The following SUPT3H variants were observed in gnomAD, a reference collection of about 807,000 sequenced individuals.
SUPT3H encodes the protein SPT3 homolog, SAGA and STAGA complex component.
A neutral mutation model predicts 44.3 loss-of-function variants in SUPT3H; 44 were observed. The observed-to-expected ratio is 0.99, with a 90% confidence interval of 0.78 to 1.28. The LOEUF (loss-of-function observed/expected upper bound fraction) is 1.28, where lower values mean the gene tolerates loss of function less well. Among genes scored for constraint, SUPT3H ranks in the 50% most tolerant of loss-of-function variants. SUPT3H has a pLI of 0.00. For synonymous variants in SUPT3H, 124 were observed against 125.6 expected (o/e 0.99, Z 0.09); for missense variants, 380 against 387.1 (o/e 0.98, Z 0.15).
chr6:45,262,707 C>G (rs1774580613), intron 2 of SUPT3H, among the ~76,000 whole-genome samples: 1 of 152,048 alleles, frequency 6.6e-6, no homozygotes, highest in African/African-American at 2.4e-5. Flanking sequence ...GTAGAGCAAA[C>G]AATGTCTCCT....
chr6:44,994,351 T>C (rs1780993685), intron 6 of SUPT3H, among the ~76,000 whole-genome samples: 1 of 152,176 alleles, frequency 6.6e-6, no homozygotes, highest in Admixed American at 6.5e-5. Context: ...TACCACGTTG[T>C]GTCTTAGAGA....
rs1433069918 is a variant in SUPT3H, at chr6:45,252,281, A to G, written c.101+112920T>C. On this transcript the variant is annotated intron_variant, in intron 2 of 10. Transcript: ENST00000371459. The stretch of plus-strand genomic sequence containing the variant: ...TCATGAGAGAGAGGTAAACTGACTT[A>G]ATTCTCCAGCTGAAGTCACTCTAAT... Among the ~76,000 whole-genome samples the G allele has an allele frequency of 2.0e-5, 3 of 152,202 alleles. No homozygotes were observed. The South Asian group carries it at 6.2e-4, about 31-fold the overall frequency.
At chr6:44,851,232 T>G (rs1195716899) in intron 10 of SUPT3H, among the ~76,000 whole-genome samples, 3 of 152,192 alleles carry the variant, frequency 2.0e-5, no homozygotes, top group African/African-American at 7.2e-5. Flanking sequence ...AAGATGTACT[T>G]AAATACAAGA....
At chr6:45,142,228 T>A (rs1288509341) in intron 2 of SUPT3H, among the ~76,000 whole-genome samples, 1 of 152,046 alleles carries the variant, frequency 6.6e-6, no homozygotes, top group Non-Finnish European at 1.5e-5. Context: ...AAGCCAGCAC[T>A]ACAAGAAATG....
intron 2 of SUPT3H, among the ~76,000 whole-genome samples, chr6:45,237,347 A>G (rs1016181489): frequency 1.3e-5 from 2 of 152,220 alleles, no homozygotes; most frequent in Non-Finnish European, 2.9e-5. Flanking sequence ...CAAAGTAGTT[A>G]CATTTTGCAT....
At chr6:45,323,439 G>C (rs1010209802) in intron 2 of SUPT3H, among the ~76,000 whole-genome samples, 7 of 151,986 alleles carry the variant, frequency 4.6e-5, no homozygotes, top group African/African-American at 1.4e-4. Context: ...TTTTGCTTTA[G>C]AATAACCTCC....
chr6:45,372,917 A>C (rs895845006), intron 1 of SUPT3H, among the ~76,000 whole-genome samples: 8 of 152,124 alleles, frequency 5.3e-5, no homozygotes, highest in Non-Finnish European at 4.4e-5. Context: ...TCCAGGGTTC[A>C]AGCGATTCTG....
chr6:45,215,588 G>A (rs1764903779), intron 2 of SUPT3H, among the ~76,000 whole-genome samples: 1 of 151,764 alleles, frequency 6.6e-6, no homozygotes, highest in Non-Finnish European at 1.5e-5. Context: ...ACTAGATGAA[G>A]CAGAAGAAAA....
intron 10 of SUPT3H, among the ~76,000 whole-genome samples, chr6:44,890,820 C>T (rs763462459): frequency 3.3e-5 from 5 of 149,986 alleles, no homozygotes; most frequent in Non-Finnish European, 7.4e-5. Flanking sequence ...AGCCATAAAA[C>T]AGGATGAGTT....
intron 2 of SUPT3H, among the ~76,000 whole-genome samples, chr6:45,113,459 A>G (rs927311404): frequency 5.3e-5 from 8 of 152,200 alleles, no homozygotes; most frequent in Non-Finnish European, 7.3e-5. Context: ...CAAATCTATG[A>G]TTTTACCCAC....
intron 3 of SUPT3H, among the ~76,000 whole-genome samples, chr6:45,067,624 A>C (rs1314850982): frequency 1.3e-5 from 2 of 151,674 alleles, no homozygotes; most frequent in Non-Finnish European, 2.9e-5. Context: ...CAAGAAAAAA[A>C]AAACAACCCC....
intron 3 of SUPT3H, among the ~76,000 whole-genome samples, chr6:45,028,950 A>ACAT (rs1200212358): frequency 6.6e-6 from 1 of 151,308 alleles, no homozygotes; most frequent in South Asian, 2.1e-4. Context: ...TTGGATCAAA[A>ACAT]CATCCAAGCC....
intron 4 of SUPT3H, among the ~76,000 whole-genome samples, chr6:45,015,601 C>T (rs1443435250): frequency 6.6e-6 from 1 of 152,058 alleles, no homozygotes; most frequent in Non-Finnish European, 1.5e-5. Flanking sequence ...CTTACTGTAA[C>T]TATTTTACTT....
At chr6:45,269,728 C>G (rs1265808859) in intron 2 of SUPT3H, among the ~76,000 whole-genome samples, 7 of 152,164 alleles carry the variant, frequency 4.6e-5, no homozygotes, top group Admixed American at 4.6e-4. Flanking sequence ...CCATATGAGA[C>G]AGATGTTTAA....
chr6:44,977,684 T>C (rs972291353), intron 6 of SUPT3H, among the ~76,000 whole-genome samples: 2 of 152,098 alleles, frequency 1.3e-5, no homozygotes, highest in Admixed American at 6.5e-5. Context: ...TATTCCAAAA[T>C]CAGTGCTCTT....
intron 2 of SUPT3H, among the ~76,000 whole-genome samples, chr6:45,178,193 C>A (rs1812371238): frequency 6.6e-6 from 1 of 152,068 alleles, no homozygotes; most frequent in South Asian, 2.1e-4. Flanking sequence ...TGCAGAGACA[C>A]ACATAGGCTC....
At chr6:44,868,510 T>C (rs998330598) in intron 10 of SUPT3H, among the ~76,000 whole-genome samples, 5 of 152,132 alleles carry the variant, frequency 3.3e-5, no homozygotes, top group Admixed American at 6.5e-5. Context: ...TGCGAGTATA[T>C]GGCTTTCTCT....
intron 1 of SUPT3H, among the ~76,000 whole-genome samples, chr6:45,375,847 C>G (rs1796706328): frequency 6.6e-6 from 1 of 151,428 alleles, no homozygotes; most frequent in African/African-American, 2.4e-5. Flanking sequence ...AACAGATGCA[C>G]ATATTTCAAG....
chr6:45,330,380 AACT>A (rs1177050219), intron 2 of SUPT3H, among the ~76,000 whole-genome samples: 2 of 152,078 alleles, frequency 1.3e-5, no homozygotes, highest in South Asian at 2.1e-4. Flanking sequence ...GAATAGTTAA[AACT>A]ACTGTTACAC....
Sources: gnomAD v4.1 joint callset for allele counts (sites outside exome capture counted in the v4.1 genomes callset) on GRCh38, gnomAD v4.1.1 for gene constraint, MANE v1.5 for transcripts, NCBI Gene and HGNC (gene_info 2026-07-23, HGNC 2026-07-21) for gene names.